The following RAB7B variants were observed in gnomAD, a reference collection of about 807,000 sequenced individuals.
RAB7B encodes RAB7B, member RAS oncogene family, also known as ras-related protein Rab-7b.
At chr1:205,985,737 C>T (rs894939271) in intron 4 of RAB7B, 72 bp from the exon 5 acceptor site, 46 of 61,900 alleles carry the variant, frequency 7.4e-4, no homozygotes, top group Non-Finnish European at 3.6e-4. Flanking sequence ...ACCATCACAT[C>T]CCCACCATCC....
chr1:206,001,640 G>C (rs967790636), intron 1 of RAB7B, among the ~76,000 whole-genome samples: 1 of 152,148 alleles, frequency 6.6e-6, no homozygotes, highest in African/African-American at 2.4e-5. Flanking sequence ...TCTGCCTTCA[G>C]CCAGCCCCGG....
chr1:205,985,456 C>T, intron 5 of RAB7B, 84 bp downstream of exon 5: 1 of 398,050 alleles, frequency 2.5e-6, no homozygotes, highest in Non-Finnish European at 4.4e-6. Context: ...CTGCCCACAC[C>T]CAAGATGTTC....
At chr1:205,996,149 T>A (rs1369067073) in intron 1 of RAB7B, among the ~76,000 whole-genome samples, 1 of 87,232 alleles carries the variant, frequency 1.1e-5, no homozygotes, top group Admixed American at 1.1e-4. Flanking sequence ...GTATAGTGTG[T>A]GTGTGTGTGT....
At chr1:205,997,324 C>T (rs1660823377) in intron 1 of RAB7B, among the ~76,000 whole-genome samples, 4 of 152,182 alleles carry the variant, frequency 2.6e-5, no homozygotes, top group Non-Finnish European at 5.9e-5. Flanking sequence ...AGAAAGTACA[C>T]AGCACCGCAG....
intron 5 of RAB7B, chr1:205,983,834 A>G (rs1660541990): frequency 6.6e-6 from 1 of 152,268 alleles, no homozygotes; most frequent in Admixed American, 6.5e-5. Flanking sequence ...GCACCATGTC[A>G]TAACAGCGAC....
At chr1:205,982,068 C>A (rs1448880190) in intron 5 of RAB7B, among the ~76,000 whole-genome samples, 2 of 152,246 alleles carry the variant, frequency 1.3e-5, no homozygotes, top group East Asian at 3.8e-4. Flanking sequence ...TCAGCAGGTG[C>A]CTCACATATT....
At chr1:205,985,824 C>A in intron 4 of RAB7B, among the ~76,000 whole-genome samples, 159 bp from the exon 5 acceptor site, 1 of 151,512 alleles carries the variant, frequency 6.6e-6, no homozygotes, top group Non-Finnish European at 1.5e-5. Flanking sequence ...CCAGGCCCAC[C>A]ATCCCCACCA....
At chr1:205,980,159 G>A (rs902775727) in intron 5 of RAB7B, among the ~76,000 whole-genome samples, 85 of 152,320 alleles carry the variant, frequency 5.6e-4, no homozygotes, top group African/African-American at 1.5e-3. Flanking sequence ...CCAGCCCTTC[G>A]TCACGGAGTT....
intron 5 of RAB7B, among the ~76,000 whole-genome samples, chr1:205,980,872 C>T (rs1464184591): frequency 1.4e-5 from 2 of 142,968 alleles, no homozygotes; most frequent in Admixed American, 7.0e-5. Context: ...TTCCCCTCCC[C>T]CTTCCCCTTC....
intron 1 of RAB7B, among the ~76,000 whole-genome samples, chr1:205,998,120 C>T (rs1185367738): frequency 5.9e-5 from 9 of 152,120 alleles, no homozygotes; most frequent in Admixed American, 5.9e-4. Flanking sequence ...CTTTGGGAGG[C>T]CAAGGTGGGC....
At chr1:205,998,657 G>A (rs1660845657) in intron 1 of RAB7B, among the ~76,000 whole-genome samples, 1 of 152,236 alleles carries the variant, frequency 6.6e-6, no homozygotes, top group Non-Finnish European at 1.5e-5. Context: ...TTCACACGCT[G>A]TCACACGACC....
rs1165322211 is a variant in RAB7B at position 205,977,527 on chromosome 1, T to C, written c.*1324A>G. 6.6e-6 allele frequency: 1 copy of C among 152,194 alleles called. No homozygotes were observed. Among genetic ancestry groups the C allele is most frequent in the Non-Finnish European group, 1.5e-5 (1 of 68,032 alleles). 9.4% of individuals were successfully genotyped at this position (152,194 alleles called of 1,614,324 possible). A position where few individuals can be genotyped will look rare whatever the true frequency, so the allele number is the denominator to read the frequency against. The stretch of plus-strand genomic sequence containing the variant: ...AAAACCCCAGCTCCTAAAACCTTCA[T>C]GAGCATCCACTTTCTGCTCAGCCTG... On this transcript the variant is annotated 3_prime_UTR_variant, in exon 6 of 6. Coordinates refer to ENST00000617070, the MANE Select transcript of RAB7B (RefSeq NM_001164522.3).
chr1:205,996,245 T>C (rs1013610951), intron 1 of RAB7B, among the ~76,000 whole-genome samples: 10 of 152,032 alleles, frequency 6.6e-5, no homozygotes, highest in Non-Finnish European at 1.2e-4. Context: ...GTTTCACCCA[T>C]ATATGCACAT....
At chr1:205,989,847 G>A (rs1010865041) in intron 4 of RAB7B, among the ~76,000 whole-genome samples, 4,346 of 152,220 alleles carry the variant, frequency 0.029, 208 homozygotes, top group African/African-American at 0.099. Flanking sequence ...CTCCTTCAGC[G>A]GAGTCCTTGG....
intron 5 of RAB7B, 122 bp downstream of exon 5, chr1:205,985,418 G>T: frequency 7.6e-6 from 3 of 396,686 alleles, no homozygotes; most frequent in Non-Finnish European, 1.3e-5. Context: ...TAACTGAGAC[G>T]ATGAGCAATC....
intron 1 of RAB7B, among the ~76,000 whole-genome samples, chr1:205,996,669 T>G (rs1292873311): frequency 6.6e-6 from 1 of 152,214 alleles, no homozygotes; most frequent in African/African-American, 2.4e-5. Flanking sequence ...ATGGACTGTA[T>G]TCATCTGTTC....
At chr1:205,988,515 G>C (rs996796809) in intron 4 of RAB7B, among the ~76,000 whole-genome samples, 1 of 152,202 alleles carries the variant, frequency 6.6e-6, no homozygotes. Flanking sequence ...GATTACAGGC[G>C]TGAGCCACTG....
chr1:205,981,745 G>A (rs1660495762), intron 5 of RAB7B, among the ~76,000 whole-genome samples: 2 of 75,976 alleles, frequency 2.6e-5, no homozygotes, highest in Non-Finnish European at 2.9e-5. Flanking sequence ...ACCTACTCTG[G>A]TTTCTTTCAG....
At chr1:205,989,740 T>C (rs908574588) in intron 4 of RAB7B, among the ~76,000 whole-genome samples, 3 of 152,076 alleles carry the variant, frequency 2.0e-5, no homozygotes, top group Admixed American at 1.3e-4. Flanking sequence ...CCCTCGCAGC[T>C]CTGTCCTTCA....
Sources: allele counts gnomAD v4.1 joint callset (sites outside exome capture counted in the v4.1 genomes callset), GRCh38; gene constraint gnomAD v4.1.1; transcripts MANE v1.5; gene names NCBI Gene and HGNC (gene_info 2026-07-23, HGNC 2026-07-21).